Variants in TTC8 observed in about 807,000 individuals in gnomAD.
TTC8 encodes tetratricopeptide repeat protein 8.
Under a neutral mutation model 72.5 loss-of-function variants are expected in TTC8, and 47 were observed. The ratio of observed to expected loss-of-function variants is 0.65; its 90% CI spans 0.51 to 0.83. The LOEUF is 0.83. Ranked by LOEUF, TTC8 falls within the 40% of genes least tolerant of loss-of-function variation. The pLI is 0.00. For synonymous variants in TTC8, 199 were observed against 221.4 expected (o/e 0.90, Z 0.90); for missense variants, 611 against 623.2 (o/e 0.98, Z 0.21).
At chr14:88,831,081 C>A in intron 1 of TTC8, 1 of 335,470 alleles carries the variant, frequency 3.0e-6, no homozygotes, top group Non-Finnish European at 6.0e-6. Context: ...CACGGCTGAC[C>A]AAAATAGGAT....
rs74075894 is a variant in TTC8, at chr14:88,856,587, A to G, written c.711-603A>G. Among the ~76,000 whole-genome samples the G allele has an allele frequency of 4.1e-3, 626 of 152,310 alleles. 8 individuals carry two copies. The highest frequency in any genetic ancestry group is 0.014 in the African/African-American group (594 of 41,574). On this transcript the variant is annotated intron_variant, in intron 8 of 14. Transcript: ENST00000380656. ...TTCCTGGGTGTAAGAGGTAGGCCCTACTTACATCAGGACAGTCATATTTAG... is the reference window on the plus strand; with the variant it reads ...TTCCTGGGTGTAAGAGGTAGGCCCTGCTTACATCAGGACAGTCATATTTAG...
chr14:88,826,362 T>C (rs1203317577), intron 1 of TTC8, among the ~76,000 whole-genome samples: 1 of 152,090 alleles, frequency 6.6e-6, no homozygotes, highest in African/African-American at 2.4e-5. Flanking sequence ...GTTTGGGACT[T>C]GTGACAAAAT....
chr14:88,877,580 C>T lies in TTC8; in HGVS notation c.*170C>T. ...GACACAGAATGTGTAATGCAAATTTCATAGTAATAGTAACTTTATAAAATA... is the reference window on the plus strand; with the variant it reads ...GACACAGAATGTGTAATGCAAATTTTATAGTAATAGTAACTTTATAAAATA... On this transcript the variant is annotated 3_prime_UTR_variant, in exon 15 of 15. Coordinates refer to ENST00000380656, the MANE Select transcript of TTC8 (RefSeq NM_144596.4). 1 of 560,796 alleles carries T rather than the reference C, an allele frequency of 1.8e-6. No individual in the cohort carries two copies. Among genetic ancestry groups the T allele is most frequent in the South Asian group, 2.4e-5 (1 of 41,354 alleles). The allele number at this position is 560,796 out of a possible 1,614,324, so 34.7% of individuals were successfully genotyped here. A position where few individuals can be genotyped will look rare whatever the true frequency, so the allele number is the denominator to read the frequency against.
chr14:88,833,946 T>C (rs1224856284), intron 2 of TTC8: 10 of 558,682 alleles, frequency 1.8e-5, no homozygotes, highest in African/African-American at 3.8e-5. Flanking sequence ...AGTCTACTCA[T>C]TGGGACTTGG....
intron 1 of TTC8, among the ~76,000 whole-genome samples, chr14:88,833,266 A>G (rs1350764482): frequency 6.6e-6 from 1 of 152,010 alleles, no homozygotes; most frequent in Non-Finnish European, 1.5e-5. Flanking sequence ...CCAGATGCTG[A>G]GTTTATCTGA....
chr14:88,836,828 G>A (rs1005674386), intron 2 of TTC8: 4 of 154,770 alleles, frequency 2.6e-5, no homozygotes, highest in African/African-American at 9.7e-5. Context: ...GGGAGGCAAA[G>A]GAGGGTGGAT....
intron 1 of TTC8, among the ~76,000 whole-genome samples, chr14:88,825,101 C>T (rs1178522051): frequency 6.6e-6 from 1 of 152,200 alleles, no homozygotes; most frequent in Non-Finnish European, 1.5e-5. Context: ...GAGCCCTGAA[C>T]TTTACTTGAC....
intron 8 of TTC8, among the ~76,000 whole-genome samples, chr14:88,854,742 G>A (rs998231669): frequency 1.3e-5 from 2 of 152,116 alleles, no homozygotes; most frequent in Non-Finnish European, 2.9e-5. Flanking sequence ...CTGGAGTGTA[G>A]TTATATGATT....
In TTC8 at chr14:88,875,078, C is replaced by G; in HGVS notation, c.1400C>G (p.Pro467Arg). ...ASSLAPHMYE[P>R]HFNFATISDK... The stretch of plus-strand genomic sequence containing the variant: ...TCATTAGCACCCCATATGTATGAAC[C>G]GCATTTTAATTTTGCAACAATCTCT... The change falls in exon 14 of 15, where the codon CCG becomes CGG. Residue 467 changes from proline to arginine, a missense_variant. Pro to Arg is a moderately radical substitution (Grantham distance 103). Coordinates refer to ENST00000380656, the MANE Select transcript of TTC8 (RefSeq NM_144596.4). 1 of 1,612,642 alleles carries G rather than the reference C, an allele frequency of 6.2e-7. No homozygotes were observed. Among genetic ancestry groups the G allele is most frequent in the Non-Finnish European group, 8.5e-7 (1 of 1,179,420 alleles).
intron 13 of TTC8, 76 bp from the exon 14 acceptor site, chr14:88,874,950 A>G (rs1296264746): frequency 1.5e-5 from 13 of 885,976 alleles, no homozygotes; most frequent in Non-Finnish European, 2.0e-5. Flanking sequence ...TTCTTTTACC[A>G]AAAAAAAAAC....
chr14:88,833,689 C>G lies in TTC8; in HGVS notation c.115-4C>G, dbSNP rs373629281. ...CTGTTTACTGCCTTCTTAATGCTTT[C>G]CAGGAACCAGATCCTGAATTGCCAG... On this transcript the variant is annotated splice_polypyrimidine_tract_variant and splice_region_variant and intron_variant, in intron 1 of 14. Coordinates refer to ENST00000380656, the MANE Select transcript of TTC8 (RefSeq NM_144596.4). 403 of 1,613,264 alleles carry G rather than the reference C, an allele frequency of 2.5e-4. No individual in the cohort carries two copies. The highest frequency in any genetic ancestry group is 3.1e-4 in the Non-Finnish European group (363 of 1,179,536).
In TTC8 at chr14:88,877,460, A is replaced by T. The variant is rs1357968518; in HGVS notation, c.*50A>T. 7.0e-7 allele frequency: 1 copy of T among 1,423,912 alleles called. No individual in the cohort carries two copies. Among genetic ancestry groups the T allele is most frequent in the Non-Finnish European group, 9.9e-7 (1 of 1,007,236 alleles). The allele number at this position is 1,423,912 out of a possible 1,614,324, so 88.2% of individuals were successfully genotyped here. Reference sequence around the variant, plus strand: ...TTATGAAGCAGCATTATGCAAGGGGAAAAAAGCACTATGTCTGTGTATGTA... The same window carrying T: ...TTATGAAGCAGCATTATGCAAGGGGTAAAAAGCACTATGTCTGTGTATGTA... On this transcript the variant is annotated 3_prime_UTR_variant, in exon 15 of 15. Transcript: ENST00000380656.
At chr14:88,867,344 G>A (rs887058071) in intron 10 of TTC8, among the ~76,000 whole-genome samples, 2 of 152,280 alleles carry the variant, frequency 1.3e-5, no homozygotes, top group African/African-American at 2.4e-5. Context: ...CTATGCAGAA[G>A]TATTATTTAA....
At chr14:88,855,492 C>T (rs2094851980) in intron 8 of TTC8, among the ~76,000 whole-genome samples, 1 of 152,074 alleles carries the variant, frequency 6.6e-6, no homozygotes, top group Non-Finnish European at 1.5e-5. Flanking sequence ...TGGTGGATTC[C>T]TTTTTGATAG....
At chr14:88,840,038 A>G (rs996029612) in intron 3 of TTC8, 6 of 172,356 alleles carry the variant, frequency 3.5e-5, no homozygotes, top group African/African-American at 1.4e-4. Flanking sequence ...ATAATCGAAC[A>G]TGATTTGCTC....
chr14:88,826,005 C>CG (rs977269205), intron 1 of TTC8, among the ~76,000 whole-genome samples: 1 of 150,740 alleles, frequency 6.6e-6, no homozygotes, highest in African/African-American at 2.4e-5. Context: ...TTTTTTGAGA[C>CG]GGAGTCTCGC....
rs973166988 is a variant in TTC8, at chr14:88,839,063, G to A, written c.145-389G>A. On this transcript the variant is annotated intron_variant, in intron 2 of 14. Transcript: ENST00000380656. The stretch of plus-strand genomic sequence containing the variant: ...GTTTAGAACTGGAAAATCAGGGAAG[G>A]CTTTATAATAAAGGACTTGACCTTG... Among the ~76,000 whole-genome samples, 8 of 152,290 alleles carry A rather than the reference G, an allele frequency of 5.3e-5. No homozygotes were observed. In the East Asian group the frequency reaches 1.5e-3, roughly 29 times the overall value.
chr14:88,851,657 T>C (rs902576231), intron 7 of TTC8, among the ~76,000 whole-genome samples: 3 of 152,158 alleles, frequency 2.0e-5, no homozygotes, highest in Non-Finnish European at 2.9e-5. Context: ...GTAGTTATAC[T>C]TTTCTCCTCA....
chr14:88,863,217 G>A (rs1005634238), intron 10 of TTC8, among the ~76,000 whole-genome samples: 3 of 152,022 alleles, frequency 2.0e-5, no homozygotes, highest in Admixed American at 1.3e-4. Flanking sequence ...CCCAAACCAC[G>A]CTGAGATTCA....
Sources: gnomAD v4.1 joint callset for allele counts (sites outside exome capture counted in the v4.1 genomes callset) on GRCh38, gnomAD v4.1.1 for gene constraint, MANE v1.5 for transcripts, NCBI Gene and HGNC (gene_info 2026-07-23, HGNC 2026-07-21) for gene names.